ELAVL1: variants seen among roughly 807,000 people sequenced by gnomAD.
ELAVL1 encodes the protein ELAV like RNA binding protein 1.
Under a neutral mutation model 28.4 loss-of-function variants are expected in ELAVL1, and 1 was observed. The observed-to-expected ratio is 0.04, with a 90% confidence interval of 0.01 to 0.17. ELAVL1 has a LOEUF of 0.17. ELAVL1 is among the 10% of genes least tolerant of loss of function. The pLI is 1.00. For missense variants in ELAVL1, 157 were observed against 447.2 expected (o/e 0.35, Z 5.85); for synonymous variants, 174 against 183.5 (o/e 0.95, Z 0.42).
intron 1 of ELAVL1, among the ~76,000 whole-genome samples, chr19:7,995,142 G>A (rs546815925): frequency 6.6e-6 from 1 of 152,304 alleles, no homozygotes; most frequent in South Asian, 2.1e-4. Context: ...GTGGCCACGA[G>A]ATTTTAGAAT....
At chr19:7,993,915 G>A (rs1333627063) in intron 1 of ELAVL1, among the ~76,000 whole-genome samples, 1 of 152,132 alleles carries the variant, frequency 6.6e-6, no homozygotes, top group Admixed American at 6.5e-5. Context: ...GGAAGAATTA[G>A]GTCTGGTTTC....
chr19:7,972,063 A>C (rs1683617594), intron 4 of ELAVL1, among the ~76,000 whole-genome samples: 1 of 152,230 alleles, frequency 6.6e-6, no homozygotes, highest in Non-Finnish European at 1.5e-5. Flanking sequence ...TTATTTCAAC[A>C]TCACAGCCAA....
At position 7,977,431 on chromosome 19, in the gene ELAVL1, G is replaced by A. The variant is rs550824990; in HGVS notation, c.277-3553C>T. Among the ~76,000 whole-genome samples, 51 of 152,304 alleles carry A rather than the reference G, an allele frequency of 3.3e-4. 2 individuals carry two copies. In the South Asian group the frequency reaches 0.01, roughly 30 times the overall value. On this transcript the variant is annotated intron_variant, in intron 3 of 5. Coordinates refer to ENST00000407627, the MANE Select transcript of ELAVL1 (RefSeq NM_001419.3). ...TTTTATGGGGCTGTGGAGAGGGCAC[G>A]TGAGATACAGGATGGAAGGTCTGGC...
chr19:7,963,765 G>C lies in ELAVL1; in HGVS notation c.699C>G (p.Gly233=), dbSNP rs200745899. ...MGVDHMSGLS[G]VNVPGNASSG... ...AGGAGGCGTTTCCTGGCACGTTGAC[G>C]CCAGAGAGCCCGCTCATGTGATCGA... Residue 233 remains glycine, a synonymous_variant, in exon 6 of 6, where the codon GGC becomes GGG. Coordinates refer to ENST00000407627, the MANE Select transcript of ELAVL1 (RefSeq NM_001419.3). The surrounding 1 kb of genome is among the most constrained non-coding windows in gnomAD (Gnocchi z 4.5). 47 of 1,614,134 alleles carry C rather than the reference G, an allele frequency of 2.9e-5. No homozygotes were observed. Among genetic ancestry groups the C allele is most frequent in the Non-Finnish European group, 3.8e-5 (45 of 1,180,044 alleles).
intron 4 of ELAVL1, among the ~76,000 whole-genome samples, chr19:7,971,650 C>T (rs1380763219): frequency 3.9e-5 from 6 of 152,204 alleles, no homozygotes; most frequent in Admixed American, 2.6e-4. Flanking sequence ...AGAATGGCGG[C>T]GGCCGTGCGA....
intron 4 of ELAVL1, among the ~76,000 whole-genome samples, chr19:7,969,502 C>A (rs1004602199): frequency 6.6e-6 from 1 of 152,160 alleles, no homozygotes. Context: ...CGCACACGTG[C>A]CAGGAATATT....
At position 7,981,279 on chromosome 19, in the gene ELAVL1, G is replaced by A. The variant is rs1985456326; in HGVS notation, c.173-93C>T. 4 of 1,204,370 alleles carry A rather than the reference G, an allele frequency of 3.3e-6. No homozygotes were observed. Among genetic ancestry groups the A allele is most frequent in the Non-Finnish European group, 4.9e-6 (4 of 811,658 alleles). 74.6% of individuals were successfully genotyped at this position (1,204,370 alleles called of 1,614,324 possible). A position where few individuals can be genotyped will look rare whatever the true frequency, so the allele number is the denominator to read the frequency against. On this transcript the variant is annotated intron_variant, in intron 2 of 5. Transcript: ENST00000407627. This position sits in a 1 kb window ranked among gnomAD's most constrained non-coding sequence, Gnocchi z 4.2. The stretch of plus-strand genomic sequence containing the variant: ...AGCACTATATCTGCCTGGCCTTTGG[G>A]AAATGGGATTACAGGTGCTAGCAAA...
chr19:7,969,786 C>T (rs1296300453), intron 4 of ELAVL1, among the ~76,000 whole-genome samples: 1 of 151,946 alleles, frequency 6.6e-6, no homozygotes, highest in East Asian at 1.9e-4. Flanking sequence ...GTGGCTTCCT[C>T]GTCTGGGGTT....
At chr19:7,975,350 C>A (rs1268430942) in intron 3 of ELAVL1, among the ~76,000 whole-genome samples, 2 of 152,220 alleles carry the variant, frequency 1.3e-5, no homozygotes, top group Admixed American at 1.3e-4. Context: ...GATGAAGCCC[C>A]AGAGGAGAAG....
At chr19:7,995,715 G>T (rs1353071646) in intron 1 of ELAVL1, among the ~76,000 whole-genome samples, 7 of 151,544 alleles carry the variant, frequency 4.6e-5, no homozygotes, top group African/African-American at 1.7e-4. Flanking sequence ...AAATTTCTTG[G>T]AGAAAAATCT....
At chr19:7,976,061 C>T (rs577891929) in intron 3 of ELAVL1, among the ~76,000 whole-genome samples, 1 of 151,034 alleles carries the variant, frequency 6.6e-6, no homozygotes, top group Admixed American at 6.6e-5. Flanking sequence ...TCACTGCAGT[C>T]CAGCCTGGGT....
intron 2 of ELAVL1, among the ~76,000 whole-genome samples, chr19:7,983,523 T>C (rs904456707): frequency 1.3e-5 from 2 of 152,176 alleles, no homozygotes. Flanking sequence ...TCCTGTGATA[T>C]GGATTCTTGA....
intron 2 of ELAVL1, among the ~76,000 whole-genome samples, chr19:7,987,677 C>A (rs1043733137): frequency 2.6e-5 from 4 of 152,232 alleles, no homozygotes; most frequent in Non-Finnish European, 5.9e-5. Context: ...CTCCCCCATC[C>A]CCAGCACCAC....
At chr19:7,988,367 C>T (rs1203927175) in intron 2 of ELAVL1, among the ~76,000 whole-genome samples, 1 of 152,150 alleles carries the variant, frequency 6.6e-6, no homozygotes, top group Admixed American at 6.5e-5. Context: ...CTCTGCCCAC[C>T]GTGAGTGTCA....
intron 1 of ELAVL1, 101 bp from the exon 2 acceptor site, chr19:7,991,932 C>CTTTTTTTTTTTTTTTTTTTTTT (rs398033838): frequency 1.6e-6 from 1 of 621,602 alleles, no homozygotes; most frequent in Non-Finnish European, 2.3e-6. Context: ...TTCTTTCTTT[C>CTTTTTTTTTTTTTTTTTTTTTT]TTTTTTTTTT....
At chr19:7,993,109 T>C (rs2145224104) in intron 1 of ELAVL1, among the ~76,000 whole-genome samples, 1 of 152,340 alleles carries the variant, frequency 6.6e-6, no homozygotes, top group South Asian at 2.1e-4. Context: ...CAATACTTCA[T>C]TGTAATGCTA....
In ELAVL1 at chr19:7,963,711, C is replaced by A. The variant is rs1328464850; in HGVS notation, c.753G>T (p.Leu251=). The A allele has an allele frequency of 6.2e-7, 1 of 1,614,144 alleles. No homozygotes were observed. The highest frequency in any genetic ancestry group is 8.5e-7 in the Non-Finnish European group (1 of 1,180,052). ...GGATCCCCTCGTCGGCATCCTGCCCCAGGTTGTAGATGAAAATGCACCAGC... is the reference window on the plus strand; with the variant it reads ...GGATCCCCTCGTCGGCATCCTGCCCAAGGTTGTAGATGAAAATGCACCAGC... ...SSGWCIFIYN[L]GQDADEGILW... Residue 251 remains leucine (L), a synonymous_variant, in exon 6 of 6, where the codon CTG becomes CTT. Transcript: ENST00000407627. This position sits in a 1 kb window ranked among gnomAD's most constrained non-coding sequence, Gnocchi z 4.5.
At chr19:7,984,430 G>A (rs980712681) in intron 2 of ELAVL1, among the ~76,000 whole-genome samples, 8 of 152,226 alleles carry the variant, frequency 5.3e-5, no homozygotes, top group African/African-American at 1.2e-4. Flanking sequence ...CCAAGTCTCC[G>A]AGGCAGAGAC....
Position 7,972,247 on chromosome 19 carries a change from G to A in ELAVL1, c.430+1478C>T, listed in dbSNP as rs531203424. On this transcript the variant is annotated intron_variant, in intron 4 of 5. Transcript: ENST00000407627. ...CCCCTCAGGGTGGCCCGAGCTCCCTGTCCCCCAGGCGGGGCCACGTGCAGG... is the reference window on the plus strand; with the variant it reads ...CCCCTCAGGGTGGCCCGAGCTCCCTATCCCCCAGGCGGGGCCACGTGCAGG... Among the ~76,000 whole-genome samples, 120 of 151,214 alleles carry A rather than the reference G, an allele frequency of 7.9e-4. 1 individual carries two copies. Among genetic ancestry groups the A allele is most frequent in the Middle Eastern group, 3.4e-3 (1 of 292 alleles).
Sources: allele counts gnomAD v4.1 joint callset (sites outside exome capture counted in the v4.1 genomes callset), GRCh38; gene constraint gnomAD v4.1.1; non-coding constraint Gnocchi (gnomAD v3.1); transcripts MANE v1.5; gene names NCBI Gene and HGNC (gene_info 2026-07-23, HGNC 2026-07-21).